The following SGMS1 variants were observed in gnomAD, a reference collection of about 807,000 sequenced individuals.
The protein encoded by SGMS1 is phosphatidylcholine:ceramide cholinephosphotransferase 1.
A neutral mutation model predicts 46.2 loss-of-function variants in SGMS1; 13 were observed. That is an observed-to-expected ratio of 0.28 (90% CI 0.18 to 0.45). The LOEUF is 0.45. Among genes scored for constraint, SGMS1 ranks in the 20% least tolerant of loss-of-function variants. The pLI is 1.00. For missense variants in SGMS1, 324 were observed against 519.9 expected (o/e 0.62, Z 3.66); for synonymous variants, 203 against 187.8 (o/e 1.08, Z -0.66).
chr10:50,502,557 C>G (rs1256149457), intron 3 of SGMS1, among the ~76,000 whole-genome samples: 1 of 152,184 alleles, frequency 6.6e-6, no homozygotes, highest in Admixed American at 6.5e-5. Flanking sequence ...TATCTGCCCA[C>G]ATTTCACATT....
intron 5 of SGMS1, among the ~76,000 whole-genome samples, chr10:50,454,134 TAG>T (rs948451984): frequency 2.5e-4 from 36 of 145,572 alleles, no homozygotes; most frequent in African/African-American, 8.4e-4. Context: ...GAAAGGGGAA[TAG>T]AGAGTCTGGG....
chr10:50,478,983 C>T (rs1488223269), intron 3 of SGMS1, among the ~76,000 whole-genome samples: 1 of 150,688 alleles, frequency 6.6e-6, no homozygotes, highest in African/African-American at 2.4e-5. Context: ...CCTTTCTTTT[C>T]AGGGGCCATC....
At chr10:50,396,441 C>T (rs1003701358) in intron 6 of SGMS1, among the ~76,000 whole-genome samples, 3 of 151,844 alleles carry the variant, frequency 2.0e-5, no homozygotes, top group Non-Finnish European at 2.9e-5. Context: ...CAAGAGTATA[C>T]AAAAGAGAAG....
At chr10:50,582,893 C>T (rs1838448183) in intron 2 of SGMS1, among the ~76,000 whole-genome samples, 1 of 152,174 alleles carries the variant, frequency 6.6e-6, no homozygotes, top group Non-Finnish European at 1.5e-5. Flanking sequence ...AAGTCAGGTC[C>T]AAACCAGTGT....
intron 2 of SGMS1, among the ~76,000 whole-genome samples, chr10:50,574,963 G>GTATGTATATATA (rs1554793450): frequency 2.0e-5 from 2 of 99,864 alleles, no homozygotes; most frequent in African/African-American, 5.9e-5. Flanking sequence ...AAAATGTGGT[G>GTATGTATATATA]TATATATATA....
At chr10:50,434,075 A>G (rs1264129730) in intron 5 of SGMS1, among the ~76,000 whole-genome samples, 1 of 152,270 alleles carries the variant, frequency 6.6e-6, no homozygotes, top group Non-Finnish European at 1.5e-5. Flanking sequence ...CTTAATGATC[A>G]GAATTGCTAC....
intron 8 of SGMS1, among the ~76,000 whole-genome samples, chr10:50,319,744 T>G (rs937733385): frequency 5.9e-5 from 9 of 152,216 alleles, no homozygotes; most frequent in Non-Finnish European, 1.2e-4. Context: ...TGCATCACAT[T>G]CAGAAGCACC....
chr10:50,316,671 C>T (rs1466212546), intron 8 of SGMS1, among the ~76,000 whole-genome samples: 1 of 152,178 alleles, frequency 6.6e-6, no homozygotes, highest in South Asian at 2.1e-4. Flanking sequence ...CAGTCTTCCT[C>T]CAGAATAGAA....
At chr10:50,371,858 A>T (rs1175762629) in intron 6 of SGMS1, among the ~76,000 whole-genome samples, 1 of 152,164 alleles carries the variant, frequency 6.6e-6, no homozygotes, top group South Asian at 2.1e-4. Context: ...AGAGGGGGTG[A>T]GCTCATCCTT....
intron 3 of SGMS1, among the ~76,000 whole-genome samples, chr10:50,495,054 A>C (rs988914662): frequency 1.4e-5 from 1 of 73,254 alleles, no homozygotes; most frequent in Non-Finnish European, 2.9e-5. Context: ...AAATAAAATA[A>C]AAAAAAATAC....
chr10:50,570,918 T>C (rs1037894560), intron 2 of SGMS1, among the ~76,000 whole-genome samples: 1 of 150,208 alleles, frequency 6.7e-6, no homozygotes. Context: ...AGCCCGGTCA[T>C]CAGACAACAG....
intron 7 of SGMS1, chr10:50,341,361 T>C (rs1448591061): frequency 2.2e-6 from 1 of 455,848 alleles, no homozygotes; most frequent in Non-Finnish European, 4.4e-6. Flanking sequence ...AAACCAGCGA[T>C]GGACCCCAGT....
chr10:50,433,274 C>T (rs559698760), intron 6 of SGMS1, among the ~76,000 whole-genome samples: 6 of 152,344 alleles, frequency 3.9e-5, no homozygotes, highest in African/African-American at 1.4e-4. Flanking sequence ...TAAAATGACA[C>T]ACCCTATCAA....
intron 2 of SGMS1, among the ~76,000 whole-genome samples, chr10:50,559,726 T>C (rs930349717): frequency 6.6e-6 from 1 of 152,160 alleles, no homozygotes; most frequent in Non-Finnish European, 1.5e-5. Context: ...AAACTCTGGG[T>C]AAACACTCAT....
Position 50,324,084 on chromosome 10 carries a change from C to T in SGMS1, c.741+3121G>A, listed in dbSNP as rs181453926. Among the ~76,000 whole-genome samples, 145 of 152,240 alleles carry T rather than the reference C, an allele frequency of 9.5e-4. 1 individual carries two copies. Among genetic ancestry groups the T allele is most frequent in the Middle Eastern group, 3.4e-3 (1 of 294 alleles). On this transcript the variant is annotated intron_variant, in intron 8 of 10. Transcript: ENST00000361781. ...TTGAAGCATGATGACAATACTAAGT[C>T]CTCTTCTTACTTCTGTATAGTGCGT...
intron 6 of SGMS1, among the ~76,000 whole-genome samples, chr10:50,351,222 C>T (rs541976710): frequency 1.3e-5 from 2 of 152,286 alleles, no homozygotes; most frequent in South Asian, 4.1e-4. Flanking sequence ...GGCCAATTTC[C>T]CCCATTTGGA....
intron 5 of SGMS1, among the ~76,000 whole-genome samples, chr10:50,444,104 G>A (rs1381032719): frequency 6.6e-6 from 1 of 152,060 alleles, no homozygotes; most frequent in African/African-American, 2.4e-5. Flanking sequence ...TAGGAAACAA[G>A]TTTTAAAATG....
chr10:50,442,342 C>T (rs185741937), intron 5 of SGMS1, among the ~76,000 whole-genome samples: 41 of 152,160 alleles, frequency 2.7e-4, no homozygotes, highest in African/African-American at 8.4e-4. Context: ...CCTCCCCCAC[C>T]GCCCCCCTCT....
intron 3 of SGMS1, among the ~76,000 whole-genome samples, chr10:50,476,095 T>TAAAAAAAAA: frequency 8.4e-4 from 1 of 1,184 alleles, no homozygotes; most frequent in Middle Eastern, 0.5. Context: ...TTACTAAAAA[T>TAAAAAAAAA]ACAAAAAAAA....
Sources: gnomAD v4.1 joint callset for allele counts (sites outside exome capture counted in the v4.1 genomes callset) on GRCh38, gnomAD v4.1.1 for gene constraint, MANE v1.5 for transcripts, NCBI Gene and HGNC (gene_info 2026-07-23, HGNC 2026-07-21) for gene names.